The following GINS3 variants were observed in gnomAD, a reference collection of about 807,000 sequenced individuals.
The protein encoded by GINS3 is DNA replication complex GINS protein PSF3.
Under a neutral mutation model 20.0 loss-of-function variants are expected in GINS3, and 18 were observed. That is an observed-to-expected ratio of 0.90 (90% CI 0.62 to 1.33). The LOEUF (loss-of-function observed/expected upper bound fraction) is 1.33. GINS3 is among the 40% of genes most tolerant of loss of function. The pLI is 0.00. For synonymous variants in GINS3, 109 were observed against 107.0 expected, an observed-to-expected ratio of 1.02 and a Z score of -0.12; for missense variants, 254 against 273.6, an observed-to-expected ratio of 0.93 and a Z score of 0.51.
chr16:58,392,939 C>A lies in GINS3; in HGVS notation c.186+152C>A, dbSNP rs1368077645. The stretch of plus-strand genomic sequence containing the variant: ...AGGCGCTAACGACTTCTCGGAAACT[C>A]CGCGGGGGTCCCTTCGCGCTCGGGG... On this transcript the variant is annotated intron_variant, in intron 1 of 2. Coordinates refer to ENST00000318129, the MANE Select transcript of GINS3 (RefSeq NM_022770.4). 7 of 757,446 alleles carry A rather than the reference C, an allele frequency of 9.2e-6. No individual in the cohort carries two copies. In the African/African-American group the frequency reaches 1.2e-4, roughly 13 times the overall value. 46.9% of individuals were successfully genotyped at this position (757,446 alleles called of 1,614,324 possible). A position where few individuals can be genotyped will look rare whatever the true frequency, so the allele number is the denominator to read the frequency against.
chr16:58,399,581 TTTAA>T (rs1272139226), intron 1 of GINS3, among the ~76,000 whole-genome samples: 1 of 152,184 alleles, frequency 6.6e-6, no homozygotes, highest in Non-Finnish European at 1.5e-5. Flanking sequence ...TGTGCTGATT[TTTAA>T]TTGTTATATT....
intron 1 of GINS3, among the ~76,000 whole-genome samples, chr16:58,395,538 G>C (rs969207669): frequency 6.6e-6 from 1 of 151,712 alleles, no homozygotes; most frequent in African/African-American, 2.4e-5. Context: ...GACTCTTAAC[G>C]AGCATGCTGC....
chr16:58,392,816 G>T (rs765286497), intron 1 of GINS3, 29 bp downstream of exon 1: 1 of 1,549,204 alleles, frequency 6.5e-7, no homozygotes, highest in African/African-American at 1.5e-5. Context: ...GGTCCTGCCC[G>T]GAAAGACTGC....
At position 58,404,923 on chromosome 16, in the gene GINS3, G is replaced by A. The variant is rs146306462; in HGVS notation, c.*194G>A. 34 of 581,112 alleles carry A rather than the reference G, an allele frequency of 5.9e-5. No homozygotes were observed. Among genetic ancestry groups the A allele is most frequent in the African/African-American group, 5.0e-4 (27 of 53,548 alleles). The allele number at this position is 581,112 out of a possible 1,614,324, so 36.0% of individuals were successfully genotyped here. ...CTGGCTCTGTGAGTCTTCCAGGACC[G>A]TCCCACCCTGCTGACCCACAGCCCA... is the stretch of plus-strand genomic sequence containing the variant. On this transcript the variant is annotated 3_prime_UTR_variant, in exon 3 of 3. Transcript: ENST00000318129.
intron 1 of GINS3, among the ~76,000 whole-genome samples, chr16:58,395,666 A>G (rs900081259): frequency 2.6e-5 from 4 of 152,230 alleles, no homozygotes; most frequent in African/African-American, 9.6e-5. Context: ...ACAGATCAAC[A>G]GGATCCCAAG....
At chr16:58,403,384 C>G in intron 2 of GINS3, 53 bp downstream of exon 2, 1 of 1,382,726 alleles carries the variant, frequency 7.2e-7, no homozygotes, top group Non-Finnish European at 1.0e-6. Context: ...AAGAGCCAGC[C>G]ACAGATACTA....
intron 1 of GINS3, among the ~76,000 whole-genome samples, chr16:58,399,380 A>G (rs1002551170): frequency 4.6e-5 from 7 of 152,058 alleles, no homozygotes; most frequent in African/African-American, 1.7e-4. Context: ...ATTTAGACAT[A>G]TATTAATAAT....
Position 58,392,701 on chromosome 16 carries a change from G to A in GINS3, c.100G>A (p.Val34Met). The A allele has an allele frequency of 1.9e-6, 3 of 1,614,232 alleles. No homozygotes were observed. Among genetic ancestry groups the A allele is most frequent in the Non-Finnish European group, 2.5e-6 (3 of 1,180,042 alleles). ...CCTGATGTCCCACGAGAAGCTGCCG[G>A]TGCGCACGGAGACCGCCATGCCTCG... The part of the protein sequence containing the change: ...DILMSHEKLP[V>M]RTETAMPRLG... Residue 34 changes from valine (V) to methionine (M), a missense_variant, in exon 1 of 3, where the codon GTG (valine) becomes ATG (methionine). Transcript: ENST00000318129.
At chr16:58,403,763 G>A (rs1965988958) in intron 2 of GINS3, 1 of 180,330 alleles carries the variant, frequency 5.5e-6, no homozygotes, top group Admixed American at 5.4e-5. Flanking sequence ...AAAGGGCTAT[G>A]GTGCATTACA....
In GINS3 at chr16:58,392,732, G is replaced by A. The variant is rs763239034; in HGVS notation, c.131G>A (p.Gly44Asp). The change falls in exon 1 of 3, where the codon GGC becomes GAC. Residue 44 changes from glycine (G) to aspartate (D), a missense_variant. Physicochemically the swap from Gly to Asp is moderately conservative, Grantham distance 94. Coordinates refer to ENST00000318129, the MANE Select transcript of GINS3 (RefSeq NM_022770.4). ...VRTETAMPRL[G>D]AFFLERSAGA... ...ACGGAGACCGCCATGCCTCGCCTTG[G>A]CGCTTTCTTCCTGGAGCGGAGCGCA... The A allele has an allele frequency of 6.8e-6, 11 of 1,614,056 alleles. No homozygotes were observed. Among genetic ancestry groups the A allele is most frequent in the Non-Finnish European group, 9.3e-6 (11 of 1,180,026 alleles).
chr16:58,401,701 A>T (rs1965956623), intron 1 of GINS3, among the ~76,000 whole-genome samples: 1 of 152,190 alleles, frequency 6.6e-6, no homozygotes, highest in South Asian at 2.1e-4. Flanking sequence ...TTCACCTTTT[A>T]TTGGGATTAC....
chr16:58,401,713 G>A (rs1596961223), intron 1 of GINS3, among the ~76,000 whole-genome samples: 1 of 152,184 alleles, frequency 6.6e-6, no homozygotes, highest in Admixed American at 6.5e-5. Context: ...TGGGATTACA[G>A]GCGTGAGCCA....
chr16:58,403,494 TACACACACACACAC>T, intron 2 of GINS3, 163 bp downstream of exon 2: 1 of 517,590 alleles, frequency 1.9e-6, no homozygotes, highest in East Asian at 3.3e-5. Context: ...TTTACATATA[TACACACACACACAC>T]ACACACACAC....
chr16:58,395,417 G>A lies in GINS3; in HGVS notation c.186+2630G>A, dbSNP rs562046090. Among the ~76,000 whole-genome samples the A allele has an allele frequency of 5.3e-5, 8 of 151,644 alleles. No individual in the cohort carries two copies. The South Asian group carries it at 1.7e-3, about 32-fold the overall frequency. ...GGTCACAGGACAATAGTGGAGGGAA[G>A]GTCAAGCAGATAAACAAGTGAACAA... On this transcript the variant is annotated intron_variant, in intron 1 of 2. Coordinates refer to ENST00000318129, the MANE Select transcript of GINS3 (RefSeq NM_022770.4).
At chr16:58,401,655 C>A (rs1327485009) in intron 1 of GINS3, among the ~76,000 whole-genome samples, 2 of 152,246 alleles carry the variant, frequency 1.3e-5, no homozygotes, top group Non-Finnish European at 2.9e-5. Flanking sequence ...CAGAAAAGTT[C>A]TCCAAGTCCC....
At position 58,403,494 on chromosome 16, in the gene GINS3, TACACACACACAC is replaced by T. The variant is rs3833044; in HGVS notation, c.420+179_420+190del. On this transcript the variant is annotated intron_variant, in intron 2 of 2. Transcript: ENST00000318129. Reference sequence around the variant, plus strand: ...TGTCCATTTTATATATTTACATATATACACACACACACACACACACACACACATTTTTTTAAT... The same window carrying T: ...TGTCCATTTTATATATTTACATATATACACACACACACACATTTTTTTAAT... 1.8e-5 allele frequency: 10 copies of T among 558,074 alleles called. No homozygotes were observed. In the Admixed American group the frequency reaches 2.6e-4, roughly 15 times the overall value. The allele number at this position is 558,074 out of a possible 1,614,324, so 34.6% of individuals were successfully genotyped here.
At chr16:58,401,213 T>C (rs1965949864) in intron 1 of GINS3, among the ~76,000 whole-genome samples, 1 of 152,112 alleles carries the variant, frequency 6.6e-6, no homozygotes, top group African/African-American at 2.4e-5. Context: ...AGTTTGTTCC[T>C]TTAGATGTTC....
At chr16:58,395,463 C>T (rs1965841093) in intron 1 of GINS3, among the ~76,000 whole-genome samples, 2 of 151,508 alleles carry the variant, frequency 1.3e-5, no homozygotes, top group Non-Finnish European at 2.9e-5. Context: ...TTTTCCTAGG[C>T]AGAGGACCCT....
chr16:58,398,406 G>A (rs914579186), intron 1 of GINS3, among the ~76,000 whole-genome samples: 3 of 151,978 alleles, frequency 2.0e-5, no homozygotes, highest in African/African-American at 7.3e-5. Flanking sequence ...CCAGGAGTTC[G>A]AGACCAGCCT....
Sources: gnomAD v4.1 joint callset for allele counts (sites outside exome capture counted in the v4.1 genomes callset) on GRCh38, gnomAD v4.1.1 for gene constraint, MANE v1.5 for transcripts, NCBI Gene and HGNC (gene_info 2026-07-23, HGNC 2026-07-21) for gene names.